ASTN2: variants seen among roughly 807,000 people sequenced by gnomAD.
ASTN2 encodes astrotactin 2.
ASTN2 carries 54 observed loss-of-function variants against 139.8 expected under a neutral mutation model. The observed-to-expected ratio is 0.39, with a 90% CI of 0.31 to 0.48. ASTN2 has a LOEUF of 0.48. Ranked by LOEUF, ASTN2 falls within the 20% of genes least tolerant of loss-of-function variation. The pLI, the probability that ASTN2 is intolerant of heterozygous loss-of-function variation, is 0.95. For missense variants in ASTN2, 1,565 were observed against 1,725.1 expected (o/e 0.91, Z 1.64); for synonymous variants, 756 against 719.5 (o/e 1.05, Z -0.81).
chr9:116,601,378 T>TTGAG (rs1854890217), intron 19 of ASTN2, among the ~76,000 whole-genome samples: 1 of 152,234 alleles, frequency 6.6e-6, no homozygotes, highest in East Asian at 1.9e-4. Flanking sequence ...CAAATATTTA[T>TTGAG]TGAGTGCCCA....
In ASTN2 at chr9:117,374,828, C is replaced by T. The variant is rs192482220; in HGVS notation, c.442+39669G>A. 2.3e-3 allele frequency among the ~76,000 whole-genome samples: 352 copies of T among 152,278 alleles called. 7 individuals carry two copies. Among genetic ancestry groups the T allele is most frequent in the Admixed American group, 3.7e-3 (57 of 15,300 alleles). On this transcript the variant is annotated intron_variant, in intron 1 of 22. Coordinates refer to ENST00000313400, the MANE Select transcript of ASTN2 (RefSeq NM_001365068.1). The stretch of plus-strand genomic sequence containing the variant: ...AGGAAAAGAGGAGCTGTAGGCATTG[C>T]ATGAAGGAGAAATAATCCAGGTTGA...
chr9:116,844,579 T>C (rs1422387056), intron 11 of ASTN2, among the ~76,000 whole-genome samples: 1 of 151,306 alleles, frequency 6.6e-6, no homozygotes, highest in East Asian at 1.9e-4. Flanking sequence ...TAATTACACC[T>C]ACTCAGAATT....
At chr9:117,191,619 G>A (rs1325236387) in intron 3 of ASTN2, among the ~76,000 whole-genome samples, 1 of 152,150 alleles carries the variant, frequency 6.6e-6, no homozygotes, top group Non-Finnish European at 1.5e-5. Context: ...TTTGTCAGAG[G>A]CATTGAGGTT....
At position 117,214,696 on chromosome 9, in the gene ASTN2, G is replaced by A. The variant is rs778725617; in HGVS notation, c.677C>T (p.Ala226Val). The A allele has an allele frequency of 6.6e-7, 1 of 1,526,668 alleles. No homozygotes were observed. Among genetic ancestry groups the A allele is most frequent in the Non-Finnish European group, 8.8e-7 (1 of 1,132,770 alleles). The allele number at this position is 1,526,668 out of a possible 1,614,324, so 94.6% of individuals were successfully genotyped here. ...CTGCCAACGTCGCTGGGCGTACAGC[G>A]CCACGGTGAACACCAGCAGCAGCAG... is the stretch of plus-strand genomic sequence containing the variant. ...LLLLLLVFTV[A>V]LYAQRRWQKR... The change falls in exon 3 of 23, where the codon GCG becomes GTG. Residue 226 changes from alanine to valine, a missense_variant. This residue lies in a region of ASTN2 where 596 missense variants were observed against 576.8 expected (regional missense o/e 1.03). Coordinates refer to ENST00000313400, the MANE Select transcript of ASTN2 (RefSeq NM_001365068.1).
In ASTN2 at chr9:117,046,301, T is replaced by A. The variant is rs1010643149; in HGVS notation, c.1277-6336A>T. Reference sequence around the variant, plus strand: ...TAGGCATGAGCCACCGTGCCCGGACTGAGCTTTGGTTTTAGATGTGGATAT... The same window carrying A: ...TAGGCATGAGCCACCGTGCCCGGACAGAGCTTTGGTTTTAGATGTGGATAT... On this transcript the variant is annotated intron_variant, in intron 5 of 22. Transcript: ENST00000313400. Among the ~76,000 whole-genome samples the A allele has an allele frequency of 2.6e-5, 4 of 152,232 alleles. No homozygotes were observed. The South Asian group carries it at 8.3e-4, about 32-fold the overall frequency.
chr9:116,926,301 T>C (rs1834753378), intron 10 of ASTN2, among the ~76,000 whole-genome samples: 1 of 152,244 alleles, frequency 6.6e-6, no homozygotes, highest in African/African-American at 2.4e-5. Context: ...ATTTCAATAA[T>C]TTATGCAGTT....
At chr9:116,640,784 T>C (rs909766363) in intron 17 of ASTN2, among the ~76,000 whole-genome samples, 1 of 152,236 alleles carries the variant, frequency 6.6e-6, no homozygotes, top group Non-Finnish European at 1.5e-5. Flanking sequence ...GTTTTAGTTT[T>C]GAAAATATCA....
At chr9:117,134,495 A>AT (rs1043470655) in intron 4 of ASTN2, among the ~76,000 whole-genome samples, 3 of 151,892 alleles carry the variant, frequency 2.0e-5, no homozygotes, top group Non-Finnish European at 4.4e-5. Flanking sequence ...CCAGGGTCTG[A>AT]TTTTGATGGA....
At chr9:117,309,940 G>A (rs118012315) in intron 1 of ASTN2, among the ~76,000 whole-genome samples, 201 of 152,206 alleles carry the variant, frequency 1.3e-3, no homozygotes, top group Non-Finnish European at 2.5e-3. Flanking sequence ...AGGCCCCCAC[G>A]TTTTCATTTT....
chr9:117,291,696 C>T (rs1834598632), intron 1 of ASTN2, among the ~76,000 whole-genome samples, 183 bp from the exon 2 acceptor site: 1 of 152,142 alleles, frequency 6.6e-6, no homozygotes, highest in Admixed American at 6.5e-5. Flanking sequence ...CAACTGTGAC[C>T]AAGATTCACC....
At chr9:117,327,133 T>C (rs1276255937) in intron 1 of ASTN2, among the ~76,000 whole-genome samples, 1 of 152,138 alleles carries the variant, frequency 6.6e-6, no homozygotes, top group African/African-American at 2.4e-5. Flanking sequence ...TTCGTGCTCC[T>C]ATGCATATCT....
intron 3 of ASTN2, among the ~76,000 whole-genome samples, chr9:117,176,344 A>G (rs1401984970): frequency 6.6e-6 from 1 of 152,196 alleles, no homozygotes; most frequent in African/African-American, 2.4e-5. Flanking sequence ...CTATCCAAAT[A>G]GGTTAGAAAT....
intron 7 of ASTN2, among the ~76,000 whole-genome samples, chr9:116,979,489 A>G (rs1285323913): frequency 6.6e-6 from 1 of 152,152 alleles, no homozygotes; most frequent in Admixed American, 6.5e-5. Context: ...AGAGCCTTGA[A>G]TGTGGATGTA....
chr9:116,848,190 G>A (rs1368474647), intron 11 of ASTN2, among the ~76,000 whole-genome samples: 2 of 152,182 alleles, frequency 1.3e-5, no homozygotes, highest in African/African-American at 4.8e-5. Context: ...ACCACTCACA[G>A]ATGGAAAACA....
chr9:117,054,071 C>G (rs376775390), intron 5 of ASTN2, among the ~76,000 whole-genome samples: 5 of 151,772 alleles, frequency 3.3e-5, no homozygotes, highest in Admixed American at 3.3e-4. Flanking sequence ...TTCTGTGAAG[C>G]CTTTTTGCTC....
At chr9:117,307,877 C>G (rs1052861820) in intron 1 of ASTN2, among the ~76,000 whole-genome samples, 1 of 152,156 alleles carries the variant, frequency 6.6e-6, no homozygotes, top group African/African-American at 2.4e-5. Flanking sequence ...AAGACCAAAT[C>G]CTCTCCTGCG....
In ASTN2 at chr9:116,425,552, T is replaced by A. The variant is rs748342020; in HGVS notation, c.*299A>T. 1 of 1,612,474 alleles carries A rather than the reference T, an allele frequency of 6.2e-7. No individual in the cohort carries two copies. Among genetic ancestry groups the A allele is most frequent in the African/African-American group, 1.3e-5 (1 of 74,752 alleles). On this transcript the variant is annotated 3_prime_UTR_variant, in exon 23 of 23. Transcript: ENST00000313400. Reference sequence around the variant, plus strand: ...GGCCGCTTGGTCTCCACCTGAAAACTTCTGCCTCGGGATTGACAGCCATCC... The same window carrying A: ...GGCCGCTTGGTCTCCACCTGAAAACATCTGCCTCGGGATTGACAGCCATCC...
rs540497282 is a variant in ASTN2, at chr9:116,761,100, A to T, written c.2397-27577T>A. On this transcript the variant is annotated intron_variant, in intron 13 of 22. Transcript: ENST00000313400. ...CCTCCACCCCTCATATCTGCTGTTC[A>T]TTCGTGGTTGTGCATGTTGTCACTT... Among the ~76,000 whole-genome samples, 22 of 152,294 alleles carry T rather than the reference A, an allele frequency of 1.4e-4. No individual in the cohort carries two copies. In the South Asian group the frequency reaches 2.3e-3, roughly 16 times the overall value.
chr9:116,585,836 T>C (rs1318780615), intron 19 of ASTN2: 1 of 152,044 alleles, frequency 6.6e-6, no homozygotes, highest in African/African-American at 2.4e-5. Flanking sequence ...TTAAAGAGCT[T>C]TCGCACAGCA....
Sources: gnomAD v4.1 joint callset for allele counts (sites outside exome capture counted in the v4.1 genomes callset) on GRCh38, gnomAD v4.1.1 for gene constraint, gnomAD v4.1.1 regional missense constraint, MANE v1.5 for transcripts, NCBI Gene and HGNC (gene_info 2026-07-23, HGNC 2026-07-21) for gene names.